The following DLG2 variants were observed in gnomAD, a reference collection of about 807,000 sequenced individuals.
DLG2 encodes discs large MAGUK scaffold protein 2, also known as disks large homolog 2.
In DLG2, 45 loss-of-function variants were observed where a neutral mutation model predicts 132.5. That is an observed-to-expected ratio of 0.34 (90% CI 0.27 to 0.44). The LOEUF (loss-of-function observed/expected upper bound fraction) is 0.44, where lower values mean the gene tolerates loss of function less well. Ranked by LOEUF, DLG2 falls within the 20% of genes least tolerant of loss-of-function variation. The probability of loss-of-function intolerance (pLI) is 1.00; values close to 1 mark genes in which losing one functional copy is unlikely to be tolerated. For missense variants in DLG2, 1,045 were observed against 1,196.9 expected, an observed-to-expected ratio of 0.87 and a Z score of 1.87; for synonymous variants, 424 against 419.6, an observed-to-expected ratio of 1.01 and a Z score of -0.13.
chr11:84,727,255 T>C (rs965145688), intron 6 of DLG2, among the ~76,000 whole-genome samples: 2 of 152,206 alleles, frequency 1.3e-5, no homozygotes, highest in African/African-American at 2.4e-5. Context: ...TTGACCCATC[T>C]TGAGTTGATT....
intron 6 of DLG2, among the ~76,000 whole-genome samples, chr11:84,854,979 C>T (rs1210104342): frequency 6.6e-5 from 10 of 151,998 alleles, no homozygotes; most frequent in African/African-American, 2.2e-4. Context: ...CTACCTAGCA[C>T]AATTCATATC....
At chr11:84,455,295 C>T (rs868137598) in intron 7 of DLG2, among the ~76,000 whole-genome samples, 1 of 151,328 alleles carries the variant, frequency 6.6e-6, no homozygotes, top group African/African-American at 2.4e-5. Context: ...TCTGTGTGGC[C>T]TGCATTGCAA....
At chr11:83,750,425 T>C (rs192164009) in intron 18 of DLG2, among the ~76,000 whole-genome samples, 83 of 152,282 alleles carry the variant, frequency 5.5e-4, no homozygotes, top group Admixed American at 9.2e-4. Context: ...GAGATAAGAA[T>C]TACCAAATGT....
At chr11:84,424,790 G>A (rs554438765) in intron 7 of DLG2, among the ~76,000 whole-genome samples, 20 of 152,056 alleles carry the variant, frequency 1.3e-4, no homozygotes, top group Non-Finnish European at 2.5e-4. Context: ...ATCAAAGCAC[G>A]TGTGTTTTAT....
chr11:85,225,812 C>T (rs1054934835), intron 4 of DLG2, among the ~76,000 whole-genome samples: 13 of 152,124 alleles, frequency 8.5e-5, no homozygotes, highest in Non-Finnish European at 1.6e-4. Flanking sequence ...TACCATTTCT[C>T]CATCTCAAAT....
chr11:85,127,249 A>T (rs900418543), intron 5 of DLG2, among the ~76,000 whole-genome samples: 2 of 36,156 alleles, frequency 5.5e-5, no homozygotes, highest in Non-Finnish European at 1.1e-4. Flanking sequence ...CCCGCCCCCC[A>T]CCCACTCTCT....
At chr11:83,471,093 TAA>T (rs2091966468) in intron 24 of DLG2, among the ~76,000 whole-genome samples, 1 of 152,168 alleles carries the variant, frequency 6.6e-6, no homozygotes, top group African/African-American at 2.4e-5. Flanking sequence ...GAAAGTAGTT[TAA>T]AGTCTGTAAT....
chr11:85,490,474 A>T (rs1461450037), intron 3 of DLG2, among the ~76,000 whole-genome samples: 1 of 152,004 alleles, frequency 6.6e-6, no homozygotes, highest in African/African-American at 2.4e-5. Flanking sequence ...AATGACAAAA[A>T]AATCTTAATA....
At chr11:84,554,092 T>G (rs2099407154) in intron 6 of DLG2, among the ~76,000 whole-genome samples, 1 of 152,222 alleles carries the variant, frequency 6.6e-6, no homozygotes, top group Non-Finnish European at 1.5e-5. Context: ...GAGCAACTTC[T>G]AGTCTCTGCT....
intron 6 of DLG2, among the ~76,000 whole-genome samples, chr11:84,679,178 G>T (rs1282268135): frequency 6.6e-6 from 1 of 151,858 alleles, no homozygotes; most frequent in Non-Finnish European, 1.5e-5. Context: ...AAAACAATGT[G>T]GCTGTACAAA....
chr11:85,224,129 T>TGACA (rs2074832062), intron 4 of DLG2, among the ~76,000 whole-genome samples: 1 of 152,204 alleles, frequency 6.6e-6, no homozygotes, highest in Non-Finnish European at 1.5e-5. Flanking sequence ...GAATAACATC[T>TGACA]GACACATGCA....
At chr11:83,751,305 G>A (rs2093291487) in intron 18 of DLG2, among the ~76,000 whole-genome samples, 2 of 152,188 alleles carry the variant, frequency 1.3e-5, no homozygotes, top group Non-Finnish European at 2.9e-5. Flanking sequence ...TAGAGGAAGA[G>A]TAGCTAGAAA....
At chr11:84,691,322 G>A (rs2058014233) in intron 6 of DLG2, among the ~76,000 whole-genome samples, 1 of 151,786 alleles carries the variant, frequency 6.6e-6, no homozygotes. Flanking sequence ...TCTGTGTTGA[G>A]AAAACATTTG....
intron 6 of DLG2, among the ~76,000 whole-genome samples, chr11:84,631,894 T>A (rs910893583): frequency 6.6e-6 from 1 of 152,186 alleles, no homozygotes. Context: ...TTCTCTGGCA[T>A]AGTTTTTTCT....
chr11:83,627,788 C>A, intron 19 of DLG2, among the ~76,000 whole-genome samples: 1 of 152,182 alleles, frequency 6.6e-6, no homozygotes, highest in Non-Finnish European at 1.5e-5. Flanking sequence ...GGAATCGCCA[C>A]ACTGACTTCC....
chr11:85,097,386 A>G (rs2070040498), intron 6 of DLG2, among the ~76,000 whole-genome samples: 1 of 152,040 alleles, frequency 6.6e-6, no homozygotes, highest in East Asian at 1.9e-4. Context: ...TCCCCACCCG[A>G]CTCAGAAGCT....
At position 83,829,686 on chromosome 11, in the gene DLG2, G is replaced by A. The variant is rs75370356; in HGVS notation, c.1722+3928C>T. ...CTCAAGACTGTTCTTTTCTCTCAAT[G>A]TTAAGCAATTAAATTCCAATAGTGA... On this transcript the variant is annotated intron_variant, in intron 17 of 27. Coordinates refer to ENST00000376104, the MANE Select transcript of DLG2 (RefSeq NM_001142699.3). Among the ~76,000 whole-genome samples the A allele has an allele frequency of 9.9e-3, 1,500 of 152,092 alleles. 29 individuals carry two copies. Among genetic ancestry groups the A allele is most frequent in the African/African-American group, 0.034 (1,431 of 41,482 alleles).
chr11:85,525,093 T>C (rs562812552), intron 3 of DLG2: 1 of 152,332 alleles, frequency 6.6e-6, no homozygotes, highest in South Asian at 2.1e-4. Context: ...TTAGTACCCT[T>C]AACATCCATT....
intron 6 of DLG2, among the ~76,000 whole-genome samples, chr11:84,571,861 A>T (rs1334979234): frequency 1.3e-5 from 2 of 152,098 alleles, no homozygotes; most frequent in Non-Finnish European, 2.9e-5. Flanking sequence ...AAATGAGAAC[A>T]TTTGGGGTTT....
Sources: gnomAD v4.1 joint callset for allele counts (sites outside exome capture counted in the v4.1 genomes callset) on GRCh38, gnomAD v4.1.1 for gene constraint, MANE v1.5 for transcripts, NCBI Gene and HGNC (gene_info 2026-07-23, HGNC 2026-07-21) for gene names.